Variants in KCNT2 observed in about 807,000 individuals in gnomAD.
KCNT2 encodes the protein potassium sodium-activated channel subfamily T member 2.
In KCNT2, 67 loss-of-function variants were observed where a neutral mutation model predicts 153.8. The ratio of observed to expected loss-of-function variants is 0.44; its 90% CI spans 0.36 to 0.53. The LOEUF is 0.53. Among genes scored for constraint, KCNT2 ranks in the 20% least tolerant of loss-of-function variants. The pLI, the probability that KCNT2 is intolerant of heterozygous loss-of-function variation, is 0.00. For synonymous variants in KCNT2, 500 were observed against 458.8 expected (o/e 1.09, Z -1.15); for missense variants, 975 against 1,354.8 (o/e 0.72, Z 4.40).
intron 8 of KCNT2, among the ~76,000 whole-genome samples, chr1:196,448,977 A>G (rs894819655): frequency 6.6e-6 from 1 of 151,768 alleles, no homozygotes; most frequent in African/African-American, 2.4e-5. Flanking sequence ...TAAATTACAC[A>G]ATGCTTTTAT....
chr1:196,327,339 C>A (rs1663967233), intron 18 of KCNT2, among the ~76,000 whole-genome samples: 1 of 150,784 alleles, frequency 6.6e-6, no homozygotes, highest in Non-Finnish European at 1.5e-5. Flanking sequence ...AAACAAAAAA[C>A]CCCTAACTGT....
At chr1:196,341,047 T>C (rs1665576016) in intron 15 of KCNT2, among the ~76,000 whole-genome samples, 1 of 151,828 alleles carries the variant, frequency 6.6e-6, no homozygotes, top group Non-Finnish European at 1.5e-5. Context: ...TTAAATAGTC[T>C]TAAATAGGTA....
intron 13 of KCNT2, among the ~76,000 whole-genome samples, chr1:196,389,764 T>C (rs1039881788): frequency 6.6e-6 from 1 of 151,634 alleles, no homozygotes; most frequent in African/African-American, 2.4e-5. Flanking sequence ...ATTGAAAAGT[T>C]AGTGGTAAGC....
chr1:196,501,841 G>A (rs1291034660), intron 1 of KCNT2, among the ~76,000 whole-genome samples: 2 of 152,152 alleles, frequency 1.3e-5, no homozygotes, highest in African/African-American at 4.8e-5. Context: ...GTTTTGGGCC[G>A]GGAGCGATGG....
intron 1 of KCNT2, among the ~76,000 whole-genome samples, chr1:196,529,798 C>G (rs1654708657): frequency 6.6e-6 from 1 of 151,978 alleles, no homozygotes; most frequent in South Asian, 2.1e-4. Flanking sequence ...TTCCTCTCGG[C>G]TTCTTTCTAA....
chr1:196,272,628 T>C (rs1403410071), intron 25 of KCNT2, among the ~76,000 whole-genome samples: 1 of 151,872 alleles, frequency 6.6e-6, no homozygotes. Flanking sequence ...TCAACATAGA[T>C]GACTTGTTGA....
intron 19 of KCNT2, among the ~76,000 whole-genome samples, chr1:196,321,121 G>A (rs12747013): frequency 0.018 from 2,726 of 151,748 alleles, 40 homozygotes; most frequent in Middle Eastern, 0.027. Context: ...ATACACTCCA[G>A]TAGCAGTCTC....
intron 5 of KCNT2, among the ~76,000 whole-genome samples, chr1:196,478,887 A>G (rs928538368): frequency 2.0e-5 from 3 of 152,220 alleles, no homozygotes; most frequent in Admixed American, 1.3e-4. Context: ...TACAAATCAG[A>G]AAAAAACAAT....
At position 196,521,358 on chromosome 1, in the gene KCNT2, G is replaced by A. The variant is rs539435101; in HGVS notation, c.96-29017C>T. The stretch of plus-strand genomic sequence containing the variant: ...TTATACATTGATGGTGGGAGTGTAA[G>A]TTAGTTTAACCATTGTGGAAAGCAG... On this transcript the variant is annotated intron_variant, in intron 1 of 27. Coordinates refer to ENST00000294725, the MANE Select transcript of KCNT2 (RefSeq NM_198503.5). 3.9e-5 allele frequency among the ~76,000 whole-genome samples: 6 copies of A among 152,228 alleles called. No individual in the cohort carries two copies. In the East Asian group the frequency reaches 1.2e-3, roughly 29 times the overall value.
At chr1:196,290,815 T>C (rs1282646053) in intron 22 of KCNT2, among the ~76,000 whole-genome samples, 1 of 152,118 alleles carries the variant, frequency 6.6e-6, no homozygotes, top group East Asian at 1.9e-4. Context: ...ACTTACTAAC[T>C]CTTTCCCTTT....
At chr1:196,243,336 A>C (rs554775539) in intron 26 of KCNT2, among the ~76,000 whole-genome samples, 2 of 152,236 alleles carry the variant, frequency 1.3e-5, no homozygotes, top group African/African-American at 4.8e-5. Flanking sequence ...AGAACACCAA[A>C]TTGAACAACT....
chr1:196,319,908 A>C (rs1328035033), intron 19 of KCNT2, among the ~76,000 whole-genome samples: 2 of 151,766 alleles, frequency 1.3e-5, no homozygotes, highest in Admixed American at 1.3e-4. Context: ...AAAATAAAAA[A>C]ACTAATGCAT....
At position 196,351,378 on chromosome 1, in the gene KCNT2, A is replaced by C. The variant is rs980705656; in HGVS notation, c.1404-9150T>G. 9.9e-5 allele frequency among the ~76,000 whole-genome samples: 15 copies of C among 152,056 alleles called. No homozygotes were observed. In the South Asian group the frequency reaches 1.0e-3, roughly 11 times the overall value. On this transcript the variant is annotated intron_variant, in intron 14 of 27. Coordinates refer to ENST00000294725, the MANE Select transcript of KCNT2 (RefSeq NM_198503.5). The stretch of plus-strand genomic sequence containing the variant: ...ATTTGTTGGTATCCTCTTTTATTTC[A>C]TTGAGCAGTGGTTTGTAGTTCTCCT...
chr1:196,351,681 T>C (rs896432774), intron 14 of KCNT2, among the ~76,000 whole-genome samples: 6 of 152,070 alleles, frequency 3.9e-5, no homozygotes, highest in African/African-American at 1.2e-4. Context: ...CTTTTCCTAA[T>C]TGAATACCCT....
At chr1:196,493,314 A>G (rs1679997942) in intron 1 of KCNT2, among the ~76,000 whole-genome samples, 1 of 141,340 alleles carries the variant, frequency 7.1e-6, no homozygotes, top group South Asian at 2.4e-4. Flanking sequence ...TAAGCCAGAT[A>G]AGGTTTGGGG....
intron 1 of KCNT2, among the ~76,000 whole-genome samples, chr1:196,495,135 T>A (rs1680156861): frequency 6.6e-6 from 1 of 152,188 alleles, no homozygotes; most frequent in South Asian, 2.1e-4. Context: ...ACATGGATTA[T>A]ATTAAAACAT....
chr1:196,370,882 G>T (rs1469950583), intron 14 of KCNT2, among the ~76,000 whole-genome samples: 2 of 152,024 alleles, frequency 1.3e-5, no homozygotes, highest in Non-Finnish European at 2.9e-5. Context: ...GGAATAAAGT[G>T]CTGGTGCATA....
At position 196,373,202 on chromosome 1, in the gene KCNT2, T is replaced by C. The variant is rs769294485; in HGVS notation, c.1341A>G (p.Leu447=). Residue 447 remains leucine, a synonymous_variant, in exon 14 of 28, where the codon TTA becomes TTG. Transcript: ENST00000294725. Reference sequence around the variant, plus strand: ...TAGATGTTGCTGGGCATATACAGTTTAAAGCTAACATGGCGTATTTAAACT... The same window carrying C: ...TAGATGTTGCTGGGCATATACAGTTCAAAGCTAACATGGCGTATTTAAACT... ...EEEFKYAMLA[L]NCICPATSTL... 6.3e-7 allele frequency: 1 copy of C among 1,590,340 alleles called. No homozygotes were observed. The highest frequency in any genetic ancestry group is 1.1e-5 in the South Asian group (1 of 90,422).
chr1:196,389,277 T>C (rs1670269200), intron 13 of KCNT2, among the ~76,000 whole-genome samples: 1 of 151,776 alleles, frequency 6.6e-6, no homozygotes, highest in African/African-American at 2.4e-5. Context: ...TCATAAAACG[T>C]ATCAGTTTGC....
Sources: allele counts gnomAD v4.1 joint callset (sites outside exome capture counted in the v4.1 genomes callset), GRCh38; gene constraint gnomAD v4.1.1; transcripts MANE v1.5; gene names NCBI Gene and HGNC (gene_info 2026-07-23, HGNC 2026-07-21).